The following RAF1 variants were observed in gnomAD, a reference collection of about 807,000 sequenced individuals.
The protein encoded by RAF1 is Raf-1 proto-oncogene, serine/threonine kinase, also known as RAF proto-oncogene serine/threonine-protein kinase.
Under a neutral mutation model 81.1 loss-of-function variants are expected in RAF1, and 27 were observed. The ratio of observed to expected loss-of-function variants is 0.33; its 90% CI spans 0.25 to 0.46. The LOEUF is 0.46. RAF1 is among the 20% of genes least tolerant of loss of function. The pLI is 1.00. For missense variants in RAF1, 598 were observed against 826.0 expected, an observed-to-expected ratio of 0.72 and a Z score of 3.38; for synonymous variants, 298 against 294.0, an observed-to-expected ratio of 1.01 and a Z score of -0.14.
At chr3:12,654,656 C>T (rs530202405) in intron 1 of RAF1, among the ~76,000 whole-genome samples, 2 of 127,702 alleles carry the variant, frequency 1.6e-5, no homozygotes, top group African/African-American at 5.9e-5. Flanking sequence ...TGTGTATCAA[C>T]TTATAGAAAA....
At chr3:12,625,074 A>G (rs1299803376) in intron 1 of RAF1, among the ~76,000 whole-genome samples, 2 of 151,874 alleles carry the variant, frequency 1.3e-5, no homozygotes, top group East Asian at 1.9e-4. Context: ...CAATTTGTAA[A>G]ATTTATTTTA....
chr3:12,647,432 C>T (rs2060387549), intron 1 of RAF1, among the ~76,000 whole-genome samples: 1 of 151,674 alleles, frequency 6.6e-6, no homozygotes, highest in Non-Finnish European at 1.5e-5. Flanking sequence ...GAAACCCCAT[C>T]TCTACAAAAA....
chr3:12,593,095 CTT>C (rs11300070), intron 11 of RAF1, among the ~76,000 whole-genome samples: 67 of 142,674 alleles, frequency 4.7e-4, no homozygotes, highest in Non-Finnish European at 5.0e-4. Flanking sequence ...TTCCTCCTTC[CTT>C]TTTTTTTTTT....
chr3:12,622,545 T>C (rs903318766), intron 1 of RAF1, among the ~76,000 whole-genome samples: 2 of 152,152 alleles, frequency 1.3e-5, no homozygotes, highest in Admixed American at 6.6e-5. Flanking sequence ...CCAAGAGACA[T>C]CTCTTTAGAG....
At chr3:12,658,386 T>C (rs2060767175) in intron 1 of RAF1, among the ~76,000 whole-genome samples, 1 of 152,226 alleles carries the variant, frequency 6.6e-6, no homozygotes, top group South Asian at 2.1e-4. Context: ...GCAGATCACC[T>C]GAGTTAGGGA....
At chr3:12,640,522 G>GA (rs1449630434) in intron 1 of RAF1, among the ~76,000 whole-genome samples, 1 of 151,954 alleles carries the variant, frequency 6.6e-6, no homozygotes, top group Non-Finnish European at 1.5e-5. Flanking sequence ...AAATTTACAA[G>GA]AAAAAAATCA....
intron 1 of RAF1, among the ~76,000 whole-genome samples, chr3:12,650,451 G>A (rs1034076810): frequency 1.3e-5 from 2 of 152,118 alleles, no homozygotes; most frequent in South Asian, 2.1e-4. Flanking sequence ...TCAAATATCT[G>A]CTGAATATCA....
intron 1 of RAF1, among the ~76,000 whole-genome samples, chr3:12,624,659 T>C (rs1175209768): frequency 6.6e-6 from 1 of 152,170 alleles, no homozygotes; most frequent in African/African-American, 2.4e-5. Context: ...ATGCAGTCTC[T>C]TATGAATGGA....
rs2125421280 is a variant in RAF1, at chr3:12,609,352, A to G, written c.321-17T>C. On this transcript the variant is annotated splice_polypyrimidine_tract_variant and intron_variant, in intron 3 of 17. Transcript: ENST00000442415. ...GCTTTTTTACTAGAAAGGATTTAAA[A>G]AAAACATGAAATGTTTAAACAAGAT... 1 of 1,531,390 alleles carries G rather than the reference A, an allele frequency of 6.5e-7. No individual in the cohort carries two copies. Among genetic ancestry groups the G allele is most frequent in the South Asian group, 1.1e-5 (1 of 89,394 alleles). The allele number at this position is 1,531,390 out of a possible 1,614,324, so 94.9% of individuals were successfully genotyped here. A position where few individuals can be genotyped will look rare whatever the true frequency, so the allele number is the denominator to read the frequency against.
At chr3:12,637,398 G>A (rs550202242) in intron 1 of RAF1, among the ~76,000 whole-genome samples, 8 of 151,434 alleles carry the variant, frequency 5.3e-5, no homozygotes, top group Non-Finnish European at 8.8e-5. Flanking sequence ...CCCCAGTAGC[G>A]GGGACTACAG....
intron 2 of RAF1, among the ~76,000 whole-genome samples, chr3:12,616,676 G>A (rs1210329436): frequency 6.6e-6 from 1 of 152,190 alleles, no homozygotes; most frequent in Non-Finnish European, 1.5e-5. Flanking sequence ...ATTGGGAAGA[G>A]TGGAACTGTT....
chr3:12,638,310 C>T (rs1013948895), intron 1 of RAF1, among the ~76,000 whole-genome samples: 1 of 152,120 alleles, frequency 6.6e-6, no homozygotes, highest in African/African-American at 2.4e-5. Context: ...TCAGTGCAGT[C>T]GTTTATGAAC....
intron 1 of RAF1, among the ~76,000 whole-genome samples, chr3:12,645,393 AAAAAAGT>A (rs2060315274): frequency 6.6e-6 from 1 of 152,134 alleles, no homozygotes; most frequent in Admixed American, 6.6e-5. Flanking sequence ...TTGATGAAGA[AAAAAAGT>A]AAAATTCAAA....
Position 12,609,301 on chromosome 3 carries a change from C to T in RAF1, c.355G>A (p.Ala119Thr), listed in dbSNP as rs2125420657. Residue 119 changes from alanine (A) to threonine (T), a missense_variant, in exon 4 of 18, where the codon GCG becomes ACG. Transcript: ENST00000442415. ...TGAAGTTCTTCTCCAATCAAAGACG[C>T]AGCATCAGTATTCCAATCTAAGCGT... 6.2e-7 allele frequency: 1 copy of T among 1,613,586 alleles called. No individual in the cohort carries two copies. Among genetic ancestry groups the T allele is most frequent in the African/African-American group, 1.3e-5 (1 of 74,984 alleles).
chr3:12,606,485 T>C (rs2059033291), intron 5 of RAF1, among the ~76,000 whole-genome samples, 186 bp from the exon 6 acceptor site: 1 of 152,224 alleles, frequency 6.6e-6, no homozygotes, highest in African/African-American at 2.4e-5. Flanking sequence ...TTTGAATGAT[T>C]ATTGAATGTG....
At chr3:12,603,559 TAAA>T (rs1254894664) in intron 7 of RAF1, 2 of 692,672 alleles carry the variant, frequency 2.9e-6, no homozygotes, top group Non-Finnish European at 5.3e-6. Flanking sequence ...CAATGAGAAA[TAAA>T]GAAGAATAAA....
At position 12,584,178 on chromosome 3, in the gene RAF1, C is replaced by G; in HGVS notation, c.*336G>C. The G allele has an allele frequency of 2.4e-6, 1 of 421,450 alleles. No homozygotes were observed. Among genetic ancestry groups the G allele is most frequent in the Middle Eastern group, 6.7e-4 (1 of 1,486 alleles). 26.1% of individuals were successfully genotyped at this position (421,450 alleles called of 1,614,324 possible). A position where few individuals can be genotyped will look rare whatever the true frequency, so the allele number is the denominator to read the frequency against. On this transcript the variant is annotated 3_prime_UTR_variant, in exon 18 of 18. Coordinates refer to ENST00000442415, the MANE Select transcript of RAF1 (RefSeq NM_001354689.3). Reference sequence around the variant, plus strand: ...TGGACTGCCTGCTACCTTACTTCCTCTAAATACTCATGTAGCCAACAGCTG... The same window carrying G: ...TGGACTGCCTGCTACCTTACTTCCTGTAAATACTCATGTAGCCAACAGCTG...
chr3:12,627,366 C>CT (rs1344715337), intron 1 of RAF1, among the ~76,000 whole-genome samples: 6 of 152,158 alleles, frequency 3.9e-5, no homozygotes, highest in Admixed American at 2.0e-4. Flanking sequence ...TCACAGAATG[C>CT]TTCAAAAATC....
chr3:12,657,597 C>T (rs969816481), intron 1 of RAF1, among the ~76,000 whole-genome samples: 10 of 151,988 alleles, frequency 6.6e-5, no homozygotes, highest in Admixed American at 3.3e-4. Flanking sequence ...CATGGAGAAA[C>T]CCCATCTCTA....
Sources: allele counts gnomAD v4.1 joint callset (sites outside exome capture counted in the v4.1 genomes callset), GRCh38; gene constraint gnomAD v4.1.1; transcripts MANE v1.5; gene names NCBI Gene and HGNC (gene_info 2026-07-23, HGNC 2026-07-21).